GOLPH3: variants seen among roughly 807,000 people sequenced by gnomAD.
GOLPH3 encodes the protein coat protein GPP34.
GOLPH3 carries 14 observed loss-of-function variants against 28.5 expected under a neutral mutation model. That is an observed-to-expected ratio of 0.49 (90% CI 0.32 to 0.77). The LOEUF (loss-of-function observed/expected upper bound fraction) is 0.77. Among genes scored for constraint, GOLPH3 ranks in the 30% least tolerant of loss-of-function variants. The probability of loss-of-function intolerance (pLI) is 0.03; values close to 1 mark genes in which losing one functional copy is unlikely to be tolerated. For missense variants in GOLPH3, 350 were observed against 393.7 expected (o/e 0.89, Z 0.94); for synonymous variants, 158 against 159.2 (o/e 0.99, Z 0.06).
intron 2 of GOLPH3, among the ~76,000 whole-genome samples, chr5:32,136,426 G>A (rs944172893): frequency 2.0e-5 from 3 of 151,646 alleles, no homozygotes; most frequent in African/African-American, 7.3e-5. Flanking sequence ...GGTTGCAGCG[G>A]GCCGAGATTG....
At chr5:32,164,897 ATTC>A (rs1254293040) in intron 1 of GOLPH3, among the ~76,000 whole-genome samples, 4 of 136,048 alleles carry the variant, frequency 2.9e-5, no homozygotes, top group African/African-American at 1.3e-4. Context: ...TAAATTATGT[ATTC>A]TTTTTTTTTT....
intron 1 of GOLPH3, among the ~76,000 whole-genome samples, chr5:32,167,483 A>G (rs1369574489): frequency 6.6e-6 from 1 of 152,148 alleles, no homozygotes; most frequent in Non-Finnish European, 1.5e-5. Context: ...TCAAAATACA[A>G]TTCTAAAACG....
At chr5:32,169,931 TA>T (rs879633359) in intron 1 of GOLPH3, among the ~76,000 whole-genome samples, 401 of 135,390 alleles carry the variant, frequency 3.0e-3, no homozygotes, top group African/African-American at 7.2e-3. Context: ...TATCATTGGT[TA>T]AAAAAAAAAA....
At chr5:32,136,434 T>C (rs1235113466) in intron 2 of GOLPH3, among the ~76,000 whole-genome samples, 1 of 151,522 alleles carries the variant, frequency 6.6e-6, no homozygotes. Flanking sequence ...CGGGCCGAGA[T>C]TGTGCCACTG....
At chr5:32,133,050 A>C (rs542451807) in intron 3 of GOLPH3, among the ~76,000 whole-genome samples, 52 of 152,336 alleles carry the variant, frequency 3.4e-4, no homozygotes, top group African/African-American at 1.2e-3. Context: ...CTCACAGGAC[A>C]TTGTTTTTTA....
At position 32,143,268 on chromosome 5, in the gene GOLPH3, T is replaced by G. The variant is rs866508234; in HGVS notation, c.357+481A>C. On this transcript the variant is annotated intron_variant, in intron 2 of 3. Transcript: ENST00000265070. Reference sequence around the variant, plus strand: ...TTGAAGGCAGCATGCTCCTTAAGAGTCATCACCACTCCCTAATCTCAAGTA... The same window carrying G: ...TTGAAGGCAGCATGCTCCTTAAGAGGCATCACCACTCCCTAATCTCAAGTA... Among the ~76,000 whole-genome samples the G allele has an allele frequency of 2.0e-5, 3 of 151,026 alleles. No homozygotes were observed. The South Asian group carries it at 6.3e-4, about 31-fold the overall frequency.
At chr5:32,137,415 T>C (rs1173356368) in intron 2 of GOLPH3, among the ~76,000 whole-genome samples, 3 of 151,852 alleles carry the variant, frequency 2.0e-5, no homozygotes, top group Non-Finnish European at 2.9e-5. Flanking sequence ...TCCCAGCACT[T>C]TGGGAGGCCA....
At chr5:32,131,296 T>A (rs934506267) in intron 3 of GOLPH3, among the ~76,000 whole-genome samples, 2 of 152,250 alleles carry the variant, frequency 1.3e-5, no homozygotes, top group Non-Finnish European at 2.9e-5. Context: ...GTGGTCAAAG[T>A]ATCTTGGTAT....
At chr5:32,148,082 G>C (rs955455155) in intron 1 of GOLPH3, among the ~76,000 whole-genome samples, 1 of 152,208 alleles carries the variant, frequency 6.6e-6, no homozygotes, top group African/African-American at 2.4e-5. Flanking sequence ...TGAATAAAGA[G>C]ACCCAGGTGT....
chr5:32,171,499 T>C (rs1746836839), intron 1 of GOLPH3, among the ~76,000 whole-genome samples: 1 of 152,072 alleles, frequency 6.6e-6, no homozygotes, highest in Non-Finnish European at 1.5e-5. Flanking sequence ...GTTTTTTTTT[T>C]TTCAGGTTTT....
intron 1 of GOLPH3, among the ~76,000 whole-genome samples, chr5:32,161,414 A>G (rs970816204): frequency 6.7e-6 from 1 of 148,662 alleles, no homozygotes; most frequent in Non-Finnish European, 1.5e-5. Flanking sequence ...AAAAAAAAAA[A>G]CCAAAGCTGA....
chr5:32,152,833 T>C lies in GOLPH3; in HGVS notation c.226-8953A>G, dbSNP rs78801267. ...AAAAAAACCCAAAAGCTTGACAGCATAGTTGGCAAAAATGAGGGAAACAGG... is the reference window on the plus strand; with the variant it reads ...AAAAAAACCCAAAAGCTTGACAGCACAGTTGGCAAAAATGAGGGAAACAGG... On this transcript the variant is annotated intron_variant, in intron 1 of 3. Transcript: ENST00000265070. Among the ~76,000 whole-genome samples, 994 of 149,520 alleles carry C rather than the reference T, an allele frequency of 6.6e-3. 13 individuals are homozygous for C. The highest frequency in any genetic ancestry group is 0.022 in the African/African-American group (911 of 40,786).
intron 3 of GOLPH3, among the ~76,000 whole-genome samples, chr5:32,129,847 C>CTT (rs551296288): frequency 6.9e-6 from 1 of 145,960 alleles, no homozygotes; most frequent in South Asian, 2.2e-4. Context: ...AACTTCCACC[C>CTT]TTTTTTTTTT....
rs61748192 is a variant in GOLPH3, at chr5:32,126,368, G to A, written c.741C>T (p.Asp247=). Residue 247 remains aspartate, a synonymous_variant, in exon 4 of 4, where the codon GAC becomes GAT. Coordinates refer to ENST00000265070, the MANE Select transcript of GOLPH3 (RefSeq NM_022130.4). ...GAGGAGCAAAAGCATTCTCCAGGACGTCCGAGGCATGAGCCAGGTAAATGA... is the reference window on the plus strand; with the variant it reads ...GAGGAGCAAAAGCATTCTCCAGGACATCCGAGGCATGAGCCAGGTAAATGA... The part of the protein sequence containing the change: ...LALIYLAHAS[D]VLENAFAPLL... The A allele has an allele frequency of 3.8e-3, 6,058 of 1,614,142 alleles. 17 individuals are homozygous for A. The highest frequency in any genetic ancestry group is 4.2e-3 in the Non-Finnish European group (4,993 of 1,180,026).
intron 1 of GOLPH3, among the ~76,000 whole-genome samples, chr5:32,152,557 G>A (rs1314156336): frequency 3.4e-5 from 5 of 148,892 alleles, no homozygotes; most frequent in Non-Finnish European, 7.5e-5. Context: ...CGAGGCGGGC[G>A]GATCACTTGA....
At chr5:32,153,311 C>CT (rs1746351686) in intron 1 of GOLPH3, among the ~76,000 whole-genome samples, 1 of 151,456 alleles carries the variant, frequency 6.6e-6, no homozygotes, top group Admixed American at 6.6e-5. Flanking sequence ...AAGATAAACT[C>CT]TAACTTTTCA....
chr5:32,152,726 G>A (rs1186025929), intron 1 of GOLPH3, among the ~76,000 whole-genome samples: 5 of 150,024 alleles, frequency 3.3e-5, no homozygotes, highest in African/African-American at 1.2e-4. Context: ...AGGTTGCAGT[G>A]AACCAGGATC....
At chr5:32,152,127 CT>C (rs201281003) in intron 1 of GOLPH3, among the ~76,000 whole-genome samples, 4,574 of 147,124 alleles carry the variant, frequency 0.031, 146 homozygotes, top group East Asian at 0.16. Flanking sequence ...CATATTTTAC[CT>C]TTTTTTTTTT....
At chr5:32,126,728 GCC>G (rs1745690552) in intron 3 of GOLPH3, 92 bp from the exon 4 acceptor site, 1 of 994,000 alleles carries the variant, frequency 1.0e-6, no homozygotes, top group African/African-American at 1.6e-5. Context: ...ATCTGATTTT[GCC>G]CCAAGAAAAA....
Sources: gnomAD v4.1 joint callset for allele counts (sites outside exome capture counted in the v4.1 genomes callset) on GRCh38, gnomAD v4.1.1 for gene constraint, MANE v1.5 for transcripts, NCBI Gene and HGNC (gene_info 2026-07-23, HGNC 2026-07-21) for gene names.